TNKS: variants seen among roughly 807,000 people sequenced by gnomAD.
TNKS encodes the protein poly [ADP-ribose] polymerase tankyrase-1.
In TNKS, 72 loss-of-function variants were observed where a neutral mutation model predicts 135.8. That is an observed-to-expected ratio of 0.53 (90% CI 0.44 to 0.64). The LOEUF is 0.64. Ranked by LOEUF, TNKS falls within the 30% of genes least tolerant of loss-of-function variation. TNKS has a pLI of 0.00. For missense variants in TNKS, 1,769 were observed against 1,674.0 expected (o/e 1.06, Z -0.99); for synonymous variants, 849 against 649.3 (o/e 1.31, Z -4.68).
intron 9 of TNKS, among the ~76,000 whole-genome samples, 197 bp downstream of exon 9, chr8:9,708,689 T>C (rs767162131): frequency 1.3e-5 from 2 of 152,140 alleles, no homozygotes; most frequent in Non-Finnish European, 2.9e-5. Flanking sequence ...TGACATTTGC[T>C]CAACCTCAAT....
intron 26 of TNKS, among the ~76,000 whole-genome samples, chr8:9,775,737 A>C (rs566500365): frequency 6.6e-6 from 1 of 151,846 alleles, no homozygotes; most frequent in African/African-American, 2.4e-5. Flanking sequence ...TCCTGTATCT[A>C]TATGCAAGTA....
intron 5 of TNKS, among the ~76,000 whole-genome samples, chr8:9,699,523 A>G (rs1267642296): frequency 6.6e-6 from 1 of 151,876 alleles, no homozygotes; most frequent in East Asian, 1.9e-4. Flanking sequence ...AATTTATTGC[A>G]TGCATTTTAT....
intron 7 of TNKS, 111 bp from the exon 8 acceptor site, chr8:9,706,700 A>G: frequency 2.0e-6 from 2 of 1,018,480 alleles, no homozygotes; most frequent in Non-Finnish European, 2.8e-6. Context: ...AAATTAAAAC[A>G]CTTATTTGAA....
chr8:9,719,235 C>T (rs912146081), intron 11 of TNKS, among the ~76,000 whole-genome samples: 1 of 152,098 alleles, frequency 6.6e-6, no homozygotes, highest in African/African-American at 2.4e-5. Flanking sequence ...AGTACAACAG[C>T]CTTACTGGTA....
intron 3 of TNKS, among the ~76,000 whole-genome samples, chr8:9,655,083 C>T (rs1009668113): frequency 6.6e-6 from 1 of 152,216 alleles, no homozygotes; most frequent in Non-Finnish European, 1.5e-5. Context: ...TAATGGCACA[C>T]CAGGAGATTA....
rs1229493637 is a variant in TNKS, at chr8:9,781,265, C to G, written c.*4529C>G. On this transcript the variant is annotated 3_prime_UTR_variant, in exon 27 of 27. Transcript: ENST00000310430. ...CTTTCAAAGAGGTTTCTTTCACGTT[C>G]CAGAATTCAGATTGTTCTGTGATTT... 6.6e-6 allele frequency: 1 copy of G among 152,212 alleles called. No individual in the cohort carries two copies. The highest frequency in any genetic ancestry group is 6.5e-5 in the Admixed American group (1 of 15,272). The allele number at this position is 152,212 out of a possible 1,614,324, so 9.4% of individuals were successfully genotyped here. A position where few individuals can be genotyped will look rare whatever the true frequency, so the allele number is the denominator to read the frequency against.
rs1181192525 is a variant in TNKS, at chr8:9,779,589, C to T, written c.*2853C>T. ...GAACTTTCTCCCTGTATTTGACCTCCTTCCCTCTTTCCTAAATTACTAGTC... is the reference window on the plus strand; with the variant it reads ...GAACTTTCTCCCTGTATTTGACCTCTTTCCCTCTTTCCTAAATTACTAGTC... On this transcript the variant is annotated 3_prime_UTR_variant, in exon 27 of 27. Coordinates refer to ENST00000310430, the MANE Select transcript of TNKS (RefSeq NM_003747.3). The T allele has an allele frequency of 1.3e-5, 2 of 152,146 alleles. No individual in the cohort carries two copies. The highest frequency in any genetic ancestry group is 2.9e-5 in the Non-Finnish European group (2 of 68,038). The allele number at this position is 152,146 out of a possible 1,614,324, so 9.4% of individuals were successfully genotyped here. A position where few individuals can be genotyped will look rare whatever the true frequency, so the allele number is the denominator to read the frequency against.
At chr8:9,732,034 C>G (rs950138766) in intron 14 of TNKS, among the ~76,000 whole-genome samples, 6 of 152,104 alleles carry the variant, frequency 3.9e-5, no homozygotes, top group Admixed American at 2.6e-4. Context: ...TGGATCCACC[C>G]GCCTCGGCCT....
chr8:9,588,111 G>T (rs1798456407), intron 2 of TNKS, among the ~76,000 whole-genome samples: 1 of 152,106 alleles, frequency 6.6e-6, no homozygotes, highest in Non-Finnish European at 1.5e-5. Flanking sequence ...GAGATTTGGG[G>T]TAAATTATCT....
Position 9,775,459 on chromosome 8 carries a change from CTATATATATATATATATATATATATATA to C in TNKS, c.3898-1173_3898-1146del, listed in dbSNP as rs59789406. 5.3e-4 allele frequency among the ~76,000 whole-genome samples: 43 copies of C among 80,620 alleles called. 2 individuals are homozygous for C. Among genetic ancestry groups the C allele is most frequent in the South Asian group, 3.7e-3 (8 of 2,154 alleles). 52.9% of individuals were successfully genotyped at this position (80,620 alleles called of 152,430 possible). ...ACGGAAAAGAATATTATGAATGGTT[CTATATATATATATATATATATATATATA>C]TATATATATATATATATGTAGACAG... On this transcript the variant is annotated intron_variant, in intron 26 of 26. Transcript: ENST00000310430.
chr8:9,760,159 T>A (rs1807071573), intron 20 of TNKS, among the ~76,000 whole-genome samples: 1 of 152,206 alleles, frequency 6.6e-6, no homozygotes, highest in South Asian at 2.1e-4. Context: ...GCTAAGAATG[T>A]AAAGGCTCCT....
chr8:9,768,628 G>A (rs73204667), intron 25 of TNKS, among the ~76,000 whole-genome samples: 1,784 of 152,324 alleles, frequency 0.012, 18 homozygotes, highest in Middle Eastern at 0.041. Flanking sequence ...CTCCTGCCTC[G>A]GCAGCAACAG....
At chr8:9,621,974 G>T (rs547598767) in intron 3 of TNKS, among the ~76,000 whole-genome samples, 1 of 152,262 alleles carries the variant, frequency 6.6e-6, no homozygotes, top group Non-Finnish European at 1.5e-5. Flanking sequence ...AAAGCAATGT[G>T]AATACTCATT....
chr8:9,636,741 A>G (rs1800526585), intron 3 of TNKS, among the ~76,000 whole-genome samples: 1 of 152,180 alleles, frequency 6.6e-6, no homozygotes, highest in Admixed American at 6.5e-5. Flanking sequence ...TAATTGGTCA[A>G]GAGTGCTTTC....
chr8:9,728,799 C>T (rs191145376), intron 13 of TNKS, among the ~76,000 whole-genome samples: 1 of 152,154 alleles, frequency 6.6e-6, no homozygotes, highest in Admixed American at 6.5e-5. Context: ...GGTGCATTTC[C>T]GTATAGAGTT....
At chr8:9,751,916 T>C in intron 19 of TNKS, 70 bp downstream of exon 19, 1 of 1,377,206 alleles carries the variant, frequency 7.3e-7, no homozygotes, top group Non-Finnish European at 1.0e-6. Flanking sequence ...TTTTTTCTAT[T>C]GATAACTATT....
At chr8:9,602,125 A>T (rs564606468) in intron 2 of TNKS, among the ~76,000 whole-genome samples, 35 of 152,204 alleles carry the variant, frequency 2.3e-4, no homozygotes, top group African/African-American at 7.7e-4. Context: ...GTGCTGTTAA[A>T]CATAACACAC....
In TNKS at chr8:9,663,781, A is replaced by G. The variant is rs139480949; in HGVS notation, c.995-16170A>G. Among the ~76,000 whole-genome samples the G allele has an allele frequency of 3.2e-4, 48 of 152,336 alleles. No individual in the cohort carries two copies. In the East Asian group the frequency reaches 8.9e-3, roughly 28 times the overall value. ...ACAAAGGCTGCAGATGAATGGCCAG[A>G]TGAGGAGGTACATAGGGCAAGGTCA... On this transcript the variant is annotated intron_variant, in intron 3 of 26. Transcript: ENST00000310430.
At chr8:9,589,412 G>C (rs1456181709) in intron 2 of TNKS, among the ~76,000 whole-genome samples, 1 of 152,210 alleles carries the variant, frequency 6.6e-6, no homozygotes. Context: ...AAACACACCA[G>C]TCAGGAAAAC....
Sources: gnomAD v4.1 joint callset for allele counts (sites outside exome capture counted in the v4.1 genomes callset) on GRCh38, gnomAD v4.1.1 for gene constraint, MANE v1.5 for transcripts, NCBI Gene and HGNC (gene_info 2026-07-23, HGNC 2026-07-21) for gene names.